The following EGFR variants were observed in gnomAD, a reference collection of about 807,000 sequenced individuals.
EGFR encodes avian erythroblastic leukemia viral (v-erb-b) oncogene homolog.
A neutral mutation model predicts 143.0 loss-of-function variants in EGFR; 58 were observed. That is an observed-to-expected ratio of 0.41 (90% CI 0.33 to 0.50). EGFR has a LOEUF of 0.50. EGFR is among the 20% of genes least tolerant of loss of function. The pLI is 0.39. For synonymous variants in EGFR, 613 were observed against 594.4 expected, an observed-to-expected ratio of 1.03 and a Z score of -0.45; for missense variants, 1,307 against 1,579.0, an observed-to-expected ratio of 0.83 and a Z score of 2.92.
intron 1 of EGFR, among the ~76,000 whole-genome samples, chr7:55,042,647 A>G: frequency 6.6e-6 from 1 of 152,122 alleles, no homozygotes; most frequent in East Asian, 1.9e-4. Flanking sequence ...AAGCTCGAAA[A>G]TATGGGCTCA....
chr7:55,057,495 C>T (rs574581660), intron 1 of EGFR, among the ~76,000 whole-genome samples: 308 of 152,336 alleles, frequency 2.0e-3, no homozygotes, highest in African/African-American at 7.0e-3. Context: ...TCCACAAACA[C>T]TTCAAGAAAC....
intron 1 of EGFR, among the ~76,000 whole-genome samples, chr7:55,121,124 T>C (rs1180640261): frequency 6.6e-6 from 1 of 152,066 alleles, no homozygotes; most frequent in African/African-American, 2.4e-5. Flanking sequence ...AGGGATGAAG[T>C]CTCCAATTTA....
rs2128976168 is a variant in EGFR, at chr7:55,206,795, CA to C, written c.*1183del. 4.3e-6 allele frequency: 1 copy of C among 233,368 alleles called. No individual in the cohort carries two copies. Among genetic ancestry groups the C allele is most frequent in the Non-Finnish European group, 8.5e-6 (1 of 118,154 alleles). The allele number at this position is 233,368 out of a possible 1,614,324, so 14.5% of individuals were successfully genotyped here. ...AACCCCCTCCTTACGCTTTGTCACA[CA>C]AAAAGTGTCTCTGCCTTGAGTCATC... On this transcript the variant is annotated 3_prime_UTR_variant, in exon 28 of 28. Coordinates refer to ENST00000275493, the MANE Select transcript of EGFR (RefSeq NM_005228.5).
chr7:55,192,630 G>A (rs575364581), intron 21 of EGFR, 136 bp from the exon 22 acceptor site: 35 of 783,344 alleles, frequency 4.5e-5, no homozygotes, highest in African/African-American at 2.7e-4. Flanking sequence ...AGGAGGCGCC[G>A]GGCCTGGGGG....
At chr7:55,162,330 G>A (rs1785749916) in intron 13 of EGFR, among the ~76,000 whole-genome samples, 1 of 152,246 alleles carries the variant, frequency 6.6e-6, no homozygotes, top group Admixed American at 6.5e-5. Context: ...GAGCACCATA[G>A]GAATTACAGA....
At chr7:55,175,123 T>A (rs1277059515) in intron 19 of EGFR, among the ~76,000 whole-genome samples, 1 of 152,068 alleles carries the variant, frequency 6.6e-6, no homozygotes, top group Non-Finnish European at 1.5e-5. Flanking sequence ...GGAGCATGGG[T>A]ATTGTTTTTG....
chr7:55,068,431 G>A (rs1223168068), intron 1 of EGFR, among the ~76,000 whole-genome samples: 1 of 152,134 alleles, frequency 6.6e-6, no homozygotes, highest in Non-Finnish European at 1.5e-5. Context: ...CTTGACTATG[G>A]TTATTTCTGG....
At chr7:55,049,909 C>A (rs1788389794) in intron 1 of EGFR, among the ~76,000 whole-genome samples, 1 of 151,986 alleles carries the variant, frequency 6.6e-6, no homozygotes, top group African/African-American at 2.4e-5. Flanking sequence ...CTGTGGGCTC[C>A]CACATTGTCT....
chr7:55,174,392 A>G (rs1020606598), intron 18 of EGFR, among the ~76,000 whole-genome samples: 1 of 152,238 alleles, frequency 6.6e-6, no homozygotes, highest in Non-Finnish European at 1.5e-5. Context: ...TGCTTCTTCT[A>G]GATCCTCTTT....
At chr7:55,197,166 G>A (rs1161543004) in intron 22 of EGFR, among the ~76,000 whole-genome samples, 5 of 152,124 alleles carry the variant, frequency 3.3e-5, no homozygotes, top group Admixed American at 2.0e-4. Context: ...CCATTTGTTT[G>A]TGTCATCTCT....
intron 1 of EGFR, among the ~76,000 whole-genome samples, chr7:55,085,332 T>G (rs1316540059): frequency 6.6e-6 from 1 of 152,178 alleles, no homozygotes; most frequent in Non-Finnish European, 1.5e-5. Flanking sequence ...AAAACCTCCA[T>G]GTGGCTCCTG....
At chr7:55,160,086 A>T (rs887761052) in intron 11 of EGFR, 53 bp from the exon 12 acceptor site, 1 of 1,598,678 alleles carries the variant, frequency 6.3e-7, no homozygotes, top group Admixed American at 1.7e-5. Flanking sequence ...GTTTTCAGGG[A>T]TACATTGTTT....
In EGFR at chr7:55,096,957, A is replaced by AC. The variant is rs3832476; in HGVS notation, c.89-45322dup. ...GGAATGAAAGTGCTGTCCGTTCCTT[A>AC]CCCCCCCAGCTCCTCACCTGTCCTC... On this transcript the variant is annotated intron_variant, in intron 1 of 27. Coordinates refer to ENST00000275493, the MANE Select transcript of EGFR (RefSeq NM_005228.5). Among the ~76,000 whole-genome samples the AC allele has an allele frequency of 0.017, 2,511 of 151,442 alleles. 184 individuals carry two copies. In the East Asian group the frequency reaches 0.2, roughly 12 times the overall value.
At chr7:55,063,682 A>T (rs1051227076) in intron 1 of EGFR, among the ~76,000 whole-genome samples, 1 of 152,200 alleles carries the variant, frequency 6.6e-6, no homozygotes, top group Non-Finnish European at 1.5e-5. Flanking sequence ...ATGGGCATGG[A>T]CGTAAATACT....
intron 1 of EGFR, among the ~76,000 whole-genome samples, chr7:55,104,928 T>G (rs1387934311): frequency 6.6e-6 from 1 of 152,176 alleles, no homozygotes; most frequent in East Asian, 1.9e-4. Flanking sequence ...AGAAAACTAC[T>G]CAAGTGAAAG....
intron 1 of EGFR, among the ~76,000 whole-genome samples, chr7:55,048,390 T>A (rs538585134): frequency 1.3e-5 from 2 of 152,198 alleles, no homozygotes; most frequent in Non-Finnish European, 2.9e-5. Context: ...TAAACACAGC[T>A]GGGAATGCCC....
chr7:55,201,479 G>A (rs1419707839), intron 25 of EGFR, 124 bp downstream of exon 25: 1 of 1,410,992 alleles, frequency 7.1e-7, no homozygotes, highest in Non-Finnish European at 9.8e-7. Flanking sequence ...TAACCAAATG[G>A]TAAAATCAAA....
intron 1 of EGFR, among the ~76,000 whole-genome samples, chr7:55,071,628 T>G (rs1223559360): frequency 6.6e-6 from 1 of 152,202 alleles, no homozygotes; most frequent in East Asian, 1.9e-4. Context: ...TAGGCAGTCT[T>G]ACCAGGATGC....
At chr7:55,155,162 A>T (rs574560687) in intron 7 of EGFR, among the ~76,000 whole-genome samples, 1 of 152,342 alleles carries the variant, frequency 6.6e-6, no homozygotes, top group East Asian at 1.9e-4. Flanking sequence ...GGCCAGGCAC[A>T]GTGGCTCATT....
Sources: allele counts gnomAD v4.1 joint callset (sites outside exome capture counted in the v4.1 genomes callset), GRCh38; gene constraint gnomAD v4.1.1; transcripts MANE v1.5; gene names NCBI Gene and HGNC (gene_info 2026-07-23, HGNC 2026-07-21).